The following KIF23 variants were observed in gnomAD, a reference collection of about 807,000 sequenced individuals.
KIF23 encodes the protein kinesin family member 23.
In KIF23, 30 loss-of-function variants were observed where a neutral mutation model predicts 137.5. That is an observed-to-expected ratio of 0.22 (90% CI 0.16 to 0.30). The LOEUF is 0.30. Among genes scored for constraint, KIF23 ranks in the 10% least tolerant of loss-of-function variants. KIF23 has a pLI of 1.00. For synonymous variants in KIF23, 367 were observed against 391.1 expected, an observed-to-expected ratio of 0.94 and a Z score of 0.73; for missense variants, 920 against 1,194.3, an observed-to-expected ratio of 0.77 and a Z score of 3.38.
At chr15:69,431,863 A>T (rs576571810) in intron 11 of KIF23, among the ~76,000 whole-genome samples, 19 of 152,178 alleles carry the variant, frequency 1.2e-4, no homozygotes, top group Non-Finnish European at 2.6e-4. Context: ...TGCTGAAGAG[A>T]TGATGTTTAA....
intron 8 of KIF23, among the ~76,000 whole-genome samples, chr15:69,425,706 A>G (rs947295327): frequency 3.3e-5 from 5 of 152,200 alleles, no homozygotes; most frequent in African/African-American, 1.2e-4. Flanking sequence ...TTTTCAAATT[A>G]GGAAAATACT....
intron 22 of KIF23, 57 bp downstream of exon 22, chr15:69,446,421 A>C (rs2057741446): frequency 1.5e-6 from 2 of 1,357,628 alleles, no homozygotes; most frequent in Non-Finnish European, 2.1e-6. Flanking sequence ...TCATGTTTTA[A>C]ACCCCACAGC....
At chr15:69,440,667 T>A in intron 18 of KIF23, 101 bp from the exon 19 acceptor site, 1 of 1,138,408 alleles carries the variant, frequency 8.8e-7, no homozygotes. Flanking sequence ...AAATAATTAT[T>A]TGTAATGTTA....
intron 16 of KIF23, among the ~76,000 whole-genome samples, chr15:69,439,161 T>C (rs79072311): frequency 0.018 from 2,711 of 151,778 alleles, 44 homozygotes; most frequent in Middle Eastern, 0.031. Context: ...AAGGAGGAAA[T>C]GTGAGTGAAA....
At chr15:69,436,484 C>T (rs1596010677) in intron 14 of KIF23, 80 bp from the exon 15 acceptor site, 2 of 1,279,424 alleles carry the variant, frequency 1.6e-6, no homozygotes, top group Non-Finnish European at 2.2e-6. Context: ...TGCACTGGGG[C>T]TGTATGCAGT....
chr15:69,415,184 T>G (rs1424985178), intron 1 of KIF23, among the ~76,000 whole-genome samples: 1 of 152,072 alleles, frequency 6.6e-6, no homozygotes, highest in African/African-American at 2.4e-5. Flanking sequence ...AAAAGACAAC[T>G]TGTTTATTAA....
In KIF23 at chr15:69,438,262, G is replaced by T; in HGVS notation, c.1612G>T (p.Ala538Ser). ...EFNKQSNAFK[A>S]LLQEFDNAVL... ...TTTTGTTTCAGCTAATGCTTTTAAA[G>T]CTTTGTTACAAGAATTTGACAATGC... Residue 538 changes from alanine to serine, a missense_variant, in exon 16 of 24, where the codon GCT becomes TCT. Coordinates refer to ENST00000679126, the MANE Select transcript of KIF23 (RefSeq NM_001367805.3). 1 of 1,604,046 alleles carries T rather than the reference G, an allele frequency of 6.2e-7. No homozygotes were observed. Among genetic ancestry groups the T allele is most frequent in the African/African-American group, 1.3e-5 (1 of 74,192 alleles).
At chr15:69,429,054 G>A in intron 10 of KIF23, 57 bp from the exon 11 acceptor site, 1 of 1,163,838 alleles carries the variant, frequency 8.6e-7, no homozygotes, top group Non-Finnish European at 1.3e-6. Flanking sequence ...TCTATTTAAA[G>A]AACATTATAA....
At position 69,446,861 on chromosome 15, in the gene KIF23, T is replaced by G; in HGVS notation, c.2839-10T>G. 1 of 1,613,510 alleles carries G rather than the reference T, an allele frequency of 6.2e-7. No individual in the cohort carries two copies. Among genetic ancestry groups the G allele is most frequent in the African/African-American group, 1.3e-5 (1 of 75,048 alleles). Reference sequence around the variant, plus strand: ...AGCTGATCTTTTTCCTCTTGTCATTTTCCTCTCAGTGTTCTGTGGCTGTGG... The same window carrying G: ...AGCTGATCTTTTTCCTCTTGTCATTGTCCTCTCAGTGTTCTGTGGCTGTGG... On this transcript the variant is annotated splice_polypyrimidine_tract_variant and intron_variant, in intron 22 of 23. Coordinates refer to ENST00000679126, the MANE Select transcript of KIF23 (RefSeq NM_001367805.3).
At chr15:69,427,289 C>T (rs1309806778) in intron 10 of KIF23, 1 of 409,834 alleles carries the variant, frequency 2.4e-6, no homozygotes, top group Non-Finnish European at 4.8e-6. Flanking sequence ...GGAGATCCTA[C>T]AACTAATCCC....
intron 4 of KIF23, 39 bp downstream of exon 4, chr15:69,421,791 T>C (rs780887490): frequency 4.8e-5 from 70 of 1,452,390 alleles, no homozygotes; most frequent in South Asian, 3.5e-4. Flanking sequence ...GATTTTCCTT[T>C]TTCTCCTCTT....
At chr15:69,433,886 T>C (rs1231361646) in intron 11 of KIF23, among the ~76,000 whole-genome samples, 3 of 152,200 alleles carry the variant, frequency 2.0e-5, no homozygotes, top group Non-Finnish European at 4.4e-5. Context: ...ATTGTTCACT[T>C]ATTAAGTAAA....
At chr15:69,435,814 C>A in intron 13 of KIF23, 43 bp downstream of exon 13, 1 of 1,594,260 alleles carries the variant, frequency 6.3e-7, no homozygotes, top group South Asian at 1.1e-5. Flanking sequence ...GAGTTTTTGT[C>A]GGGAAAACAG....
Position 69,414,784 on chromosome 15 carries a change from C to T in KIF23, c.11+308C>T, listed in dbSNP as rs551670374. Reference sequence around the variant, plus strand: ...ACCCGGTTCCCGGGGGCGGGGCAGTCCTCCTCGGGGTCCCGGGACAGCCTT... The same window carrying T: ...ACCCGGTTCCCGGGGGCGGGGCAGTTCTCCTCGGGGTCCCGGGACAGCCTT... On this transcript the variant is annotated intron_variant, in intron 1 of 23. Coordinates refer to ENST00000679126, the MANE Select transcript of KIF23 (RefSeq NM_001367805.3). 6 of 343,102 alleles carry T rather than the reference C, an allele frequency of 1.7e-5. No individual in the cohort carries two copies. The East Asian group carries it at 2.7e-4, about 16-fold the overall frequency. The allele number at this position is 343,102 out of a possible 1,614,324, so 21.3% of individuals were successfully genotyped here.
rs2057295594 is a variant in KIF23 at position 69,429,442 on chromosome 15, C to T, written c.1114+229C>T. Among the ~76,000 whole-genome samples the T allele has an allele frequency of 2.6e-5, 4 of 152,190 alleles. No homozygotes were observed. In the South Asian group the frequency reaches 8.3e-4, roughly 32 times the overall value. ...ATTGTAACCTTCTGAGTAGATGGGA[C>T]TACAGGTATGCACCACCATGCCTGT... is the stretch of plus-strand genomic sequence containing the variant. On this transcript the variant is annotated intron_variant, in intron 11 of 23. Coordinates refer to ENST00000679126, the MANE Select transcript of KIF23 (RefSeq NM_001367805.3).
rs76516898 is a variant in KIF23, at chr15:69,417,594, C to A, written c.210+83C>A. 2.7e-5 allele frequency: 37 copies of A among 1,394,552 alleles called. No individual in the cohort carries two copies. In the East Asian group the frequency reaches 3.1e-4, roughly 12 times the overall value. The allele number at this position is 1,394,552 out of a possible 1,614,324, so 86.4% of individuals were successfully genotyped here. A position where few individuals can be genotyped will look rare whatever the true frequency, so the allele number is the denominator to read the frequency against. ...CTAGATTTTTAGATGTAACAAAGTT[C>A]ATTTGTGAGCCCACATTTTCAAAAG... On this transcript the variant is annotated intron_variant, in intron 3 of 23. Transcript: ENST00000679126.
rs1235466537 is a variant in KIF23, at chr15:69,441,772, C to CT, written c.2421+706dup. ...TTGTCCCAAAATTGGATTGGCTTTT[C>CT]TTTTTTTTTTTTTAAAGACAGAGTC... On this transcript the variant is annotated intron_variant, in intron 19 of 23. Coordinates refer to ENST00000679126, the MANE Select transcript of KIF23 (RefSeq NM_001367805.3). 4.4e-3 allele frequency among the ~76,000 whole-genome samples: 633 copies of CT among 142,494 alleles called. 2 individuals carry two copies. Among genetic ancestry groups the CT allele is most frequent in the African/African-American group, 0.01 (391 of 38,608 alleles). The allele number at this position is 142,494 out of a possible 152,430, so 93.5% of individuals were successfully genotyped here.
intron 7 of KIF23, among the ~76,000 whole-genome samples, chr15:69,423,631 A>G (rs1028531652): frequency 2.0e-5 from 3 of 152,222 alleles, no homozygotes; most frequent in Non-Finnish European, 2.9e-5. Context: ...AAGGATCTTA[A>G]TTATATAATT....
At chr15:69,427,522 G>A (rs1164379378) in intron 10 of KIF23, 4 of 446,974 alleles carry the variant, frequency 8.9e-6, no homozygotes, top group Non-Finnish European at 1.3e-5. Flanking sequence ...TCAGTTAGTG[G>A]TTTTAAAATG....
Sources: allele counts gnomAD v4.1 joint callset (sites outside exome capture counted in the v4.1 genomes callset), GRCh38; gene constraint gnomAD v4.1.1; transcripts MANE v1.5; gene names NCBI Gene and HGNC (gene_info 2026-07-23, HGNC 2026-07-21).